The following FRMPD4 variants were observed in gnomAD, a reference collection of about 807,000 sequenced individuals.
FRMPD4 encodes the protein FERM and PDZ domain-containing protein 4.
In FRMPD4, 22 loss-of-function variants were observed where a neutral mutation model predicts 94.1. The observed-to-expected ratio is 0.23, with a 90% confidence interval of 0.17 to 0.33. The LOEUF (loss-of-function observed/expected upper bound fraction) is 0.33. Ranked by LOEUF, FRMPD4 falls within the 10% of genes least tolerant of loss-of-function variation. The pLI is 1.00. For missense variants in FRMPD4, 1,111 were observed against 1,339.9 expected (o/e 0.83, Z 2.67); for synonymous variants, 631 against 548.6 (o/e 1.15, Z -2.10).
At chrX:12,197,455 T>G (rs1252979303) in intron 1 of FRMPD4, among the ~76,000 whole-genome samples, 1 of 111,804 alleles carries the variant, frequency 8.9e-6, no homozygotes, top group Non-Finnish European at 1.9e-5. Flanking sequence ...ACTGATTGAT[T>G]TCTTAATAGA....
At chrX:12,688,777 G>A (rs1250227498) in intron 7 of FRMPD4, among the ~76,000 whole-genome samples, 1 of 97,520 alleles carries the variant, frequency 1.0e-5, no homozygotes, top group Non-Finnish European at 2.0e-5. Context: ...ATTCAACATA[G>A]TCAAGGCATT....
intron 1 of FRMPD4, among the ~76,000 whole-genome samples, chrX:12,366,370 G>A (rs1278772027): frequency 9.0e-6 from 1 of 111,449 alleles, no homozygotes; most frequent in African/African-American, 3.3e-5. Context: ...CCTGGAGGCT[G>A]TAGGCAACCA....
rs1419732294 is a variant in FRMPD4 at position 12,639,808 on chromosome X, G to C, written c.422+24927G>C. 2.7e-5 allele frequency among the ~76,000 whole-genome samples: 3 copies of C among 111,872 alleles called. No homozygotes were observed. The East Asian group carries it at 8.4e-4, about 31-fold the overall frequency. ...TCTTTCGAGGGTGAAGAGGCTCAAA[G>C]AGGTGTAGTATTTTCCCAGAGTTAC... On this transcript the variant is annotated intron_variant, in intron 4 of 16. Transcript: ENST00000675598.
chrX:12,624,647 T>C (rs1376809643), intron 4 of FRMPD4, among the ~76,000 whole-genome samples: 1 of 111,724 alleles, frequency 9.0e-6, no homozygotes, highest in Non-Finnish European at 1.9e-5. Context: ...ATTAACAAAA[T>C]AATAATAGTC....
At chrX:12,427,897 C>CTTTTTTTTTTTTTTT (rs139267482) in intron 1 of FRMPD4, among the ~76,000 whole-genome samples, 2 of 54,771 alleles carry the variant, frequency 3.7e-5, no homozygotes, top group Non-Finnish European at 6.1e-5. Flanking sequence ...CCTTTTTTCT[C>CTTTTTTTTTTTTTTT]TTTTTTTTTT....
At chrX:12,713,931 C>A (rs754964191) in intron 14 of FRMPD4, among the ~76,000 whole-genome samples, 3 of 111,801 alleles carry the variant, frequency 2.7e-5, no homozygotes, top group Non-Finnish European at 5.6e-5. Context: ...TGAAAATTAG[C>A]CTTCAAGCAC....
intron 2 of FRMPD4, among the ~76,000 whole-genome samples, chrX:12,604,014 A>G (rs746341275): frequency 9.1e-6 from 1 of 110,465 alleles, no homozygotes; most frequent in African/African-American, 3.3e-5. Context: ...CTCAACATGC[A>G]AGCAAAACAA....
chrX:12,073,865 A>AC (rs200589936), intron 3 of FRMPD4, among the ~76,000 whole-genome samples: 7,836 of 111,716 alleles, frequency 0.07, 266 homozygotes, highest in East Asian at 0.24. Flanking sequence ...CTCCATGTCC[A>AC]ACTCTCATTT....
At chrX:11,947,819 G>T (rs2285597) in intron 3 of FRMPD4, among the ~76,000 whole-genome samples, 31,623 of 110,240 alleles carry the variant, frequency 0.29, 3,913 homozygotes, top group East Asian at 0.59. Context: ...AGGTGCAGTG[G>T]CTCACGCCTG....
chrX:12,718,107 A>G lies in FRMPD4; in HGVS notation c.3281A>G (p.Tyr1094Cys). The change falls in exon 16 of 17, where the codon TAT becomes TGT. Residue 1094 changes from tyrosine to cysteine, a missense_variant. Transcript: ENST00000675598. ...TAFRKDSQRW[Y>C]VATEGGMAEK... ...TTTCGCAAGGACAGTCAAAGATGGT[A>G]TGTGGCCACTGAAGGTGGGATGGCT... 2 of 1,210,624 alleles carry G rather than the reference A, an allele frequency of 1.7e-6. No individual in the cohort carries two copies. The highest frequency in any genetic ancestry group is 3.5e-5 in the South Asian group (2 of 56,957).
intron 1 of FRMPD4, among the ~76,000 whole-genome samples, chrX:12,423,094 G>A (rs950848080): frequency 2.7e-5 from 3 of 110,739 alleles, no homozygotes; most frequent in Admixed American, 9.6e-5. Context: ...TGCTCCTGAT[G>A]TCCTTGTGTG....
At chrX:11,917,952 AGATATGTGACTGCCCTATTGTCACAATG>A (rs2054033956) in intron 3 of FRMPD4, among the ~76,000 whole-genome samples, 1 of 111,437 alleles carries the variant, frequency 9.0e-6, no homozygotes, top group Non-Finnish European at 1.9e-5. Context: ...TGTAACAGTT[AGATATGTGACTGCCCTATTGTCACAATG>A]AGGCAAAGGT....
chrX:12,073,927 T>C (rs1264678599), intron 3 of FRMPD4, among the ~76,000 whole-genome samples: 1 of 111,872 alleles, frequency 8.9e-6, no homozygotes, highest in Non-Finnish European at 1.9e-5. Flanking sequence ...TTTCCATTCA[T>C]TCAGACTTAG....
intron 1 of FRMPD4, among the ~76,000 whole-genome samples, chrX:12,145,218 TTGAAC>T (rs2055746832): frequency 8.9e-6 from 1 of 112,218 alleles, no homozygotes; most frequent in Admixed American, 9.5e-5. Context: ...TATTTTTCTA[TTGAAC>T]TGGCACAGTT....
At chrX:12,494,927 G>A in intron 1 of FRMPD4, 1 of 307,085 alleles carries the variant, frequency 3.3e-6, no homozygotes, top group Non-Finnish European at 4.3e-6. Flanking sequence ...TTAAGGCTGA[G>A]CTAAGCGTTT....
At chrX:12,419,146 A>T (rs1257815760) in intron 1 of FRMPD4, among the ~76,000 whole-genome samples, 1 of 111,591 alleles carries the variant, frequency 9.0e-6, no homozygotes. Context: ...AATCTACTGG[A>T]TGAAAAGTCC....
At chrX:12,492,575 C>T (rs747615864) in intron 1 of FRMPD4, among the ~76,000 whole-genome samples, 2 of 112,244 alleles carry the variant, frequency 1.8e-5, no homozygotes, top group Non-Finnish European at 3.8e-5. Context: ...CATCTGCTTT[C>T]ATGAGGCTTG....
chrX:12,378,189 G>A (rs1025119816), intron 1 of FRMPD4, among the ~76,000 whole-genome samples: 12 of 111,862 alleles, frequency 1.1e-4, no homozygotes, highest in African/African-American at 3.6e-4. Context: ...CAAGCCTGCC[G>A]GGGATAATGT....
chrX:12,053,426 GA>G lies in FRMPD4; in HGVS notation c.95+175411del, dbSNP rs1569149853. On this transcript the variant is annotated intron_variant, in intron 3 of 18. Transcript: ENST00000640291. Reference sequence around the variant, plus strand: ...AGAAAGAAAGAAAGAAAGAAAGAAAGAAAGAGAAAGAAAGAAGAGAAGAGAA... The same window carrying G: ...AGAAAGAAAGAAAGAAAGAAAGAAAGAAGAGAAAGAAAGAAGAGAAGAGAA... Among the ~76,000 whole-genome samples the G allele has an allele frequency of 2.7e-3, 252 of 93,126 alleles. 2 individuals carry two copies. The highest frequency in any genetic ancestry group is 0.02 in the East Asian group (55 of 2,802). The allele number at this position is 93,126 out of a possible 115,157, so 80.9% of individuals were successfully genotyped here.
Sources: gnomAD v4.1 joint callset for allele counts (sites outside exome capture counted in the v4.1 genomes callset) on GRCh38, gnomAD v4.1.1 for gene constraint, MANE v1.5 for transcripts, NCBI Gene and HGNC (gene_info 2026-07-23, HGNC 2026-07-21) for gene names.